The following IRAK3 variants were observed in gnomAD, a reference collection of about 807,000 sequenced individuals.
IRAK3 encodes the protein interleukin-1 receptor-associated kinase 3.
A neutral mutation model predicts 56.6 loss-of-function variants in IRAK3; 57 were observed. The ratio of observed to expected loss-of-function variants is 1.01; its 90% CI spans 0.81 to 1.26. IRAK3 has a LOEUF of 1.26. IRAK3 is among the 50% of genes most tolerant of loss of function. The probability of loss-of-function intolerance (pLI) is 0.00; values close to 1 mark genes in which losing one functional copy is unlikely to be tolerated. For missense variants in IRAK3, 703 were observed against 719.0 expected (o/e 0.98, Z 0.25); for synonymous variants, 258 against 255.7 (o/e 1.01, Z -0.09).
Position 66,247,996 on chromosome 12 carries a change from G to T in IRAK3, c.1616G>T (p.Cys539Phe). Reference protein sequence around the residue: ...EEACNMPSSSCEESWFPKYIV... With the variant: ...EEACNMPSSSFEESWFPKYIV... ...GCTTGCAACATGCCCAGTTCTTCTT[G>T]TGAAGAAAGTTGGTTCCCAAAGTAT... Residue 539 changes from cysteine to phenylalanine, a missense_variant, in exon 12 of 12, where the codon TGT (cysteine) becomes TTT (phenylalanine). Transcript: ENST00000261233. 1 of 1,603,114 alleles carries T rather than the reference G, an allele frequency of 6.2e-7. No homozygotes were observed. The highest frequency in any genetic ancestry group is 8.5e-7 in the Non-Finnish European group (1 of 1,175,564).
chr12:66,202,566 C>G (rs2052518738), intron 1 of IRAK3, among the ~76,000 whole-genome samples: 1 of 151,816 alleles, frequency 6.6e-6, no homozygotes, highest in South Asian at 2.1e-4. Flanking sequence ...GAGCTTGATC[C>G]TAGGAGTTTG....
rs1234675023 is a variant in IRAK3 at position 66,250,994 on chromosome 12, C to G, written c.*2823C>G. On this transcript the variant is annotated 3_prime_UTR_variant, in exon 12 of 12. Transcript: ENST00000261233. ...ATTGTTATAGATTGGTAGATCCTAC[C>G]TTTCCATCACTGGTATGTTTTTTGA... 1 of 152,182 alleles carries G rather than the reference C, an allele frequency of 6.6e-6. No homozygotes were observed. Among genetic ancestry groups the G allele is most frequent in the Admixed American group, 6.5e-5 (1 of 15,284 alleles). The allele number at this position is 152,182 out of a possible 1,614,324, so 9.4% of individuals were successfully genotyped here. A position where few individuals can be genotyped will look rare whatever the true frequency, so the allele number is the denominator to read the frequency against.
chr12:66,234,019 G>A (rs2052875116), intron 8 of IRAK3: 1 of 1,573,206 alleles, frequency 6.4e-7, no homozygotes, highest in Admixed American at 1.7e-5. Flanking sequence ...ATCCATGATT[G>A]TTCAGCCTTC....
At position 66,203,804 on chromosome 12, in the gene IRAK3, G is replaced by A. The variant is rs121912630; in HGVS notation, c.227G>A (p.Trp76Ter). 7 of 1,613,742 alleles carry A rather than the reference G, an allele frequency of 4.3e-6. No individual in the cohort carries two copies. The highest frequency in any genetic ancestry group is 5.1e-6 in the Non-Finnish European group (6 of 1,179,824). The change falls in exon 2 of 12, where the codon TGG becomes TAG. Residue 76 changes from tryptophan (W) to a stop codon, truncating the protein, a stop_gained. Transcript: ENST00000261233. LOFTEE classifies it high-confidence loss of function. ...KSGTRELLWS[W>*]AQKNKTIGDL... ...GGAACAAGAGAATTACTTTGGTCCT[G>A]GGCACAGAAAAACAAGACCATCGGT...
chr12:66,250,014 A>T lies in IRAK3; in HGVS notation c.*1843A>T, dbSNP rs955589993. 8 of 152,210 alleles carry T rather than the reference A, an allele frequency of 5.3e-5. No individual in the cohort carries two copies. Among genetic ancestry groups the T allele is most frequent in the Non-Finnish European group, 8.8e-5 (6 of 68,034 alleles). The allele number at this position is 152,210 out of a possible 1,614,324, so 9.4% of individuals were successfully genotyped here. A position where few individuals can be genotyped will look rare whatever the true frequency, so the allele number is the denominator to read the frequency against. On this transcript the variant is annotated 3_prime_UTR_variant, in exon 12 of 12. Coordinates refer to ENST00000261233, the MANE Select transcript of IRAK3 (RefSeq NM_007199.3). ...TGTAAGGGCCATCTCTTCAGAGCCT[A>T]ATGTGTCATCCTACACAGAGCAGGT...
At chr12:66,237,670 A>G (rs1300806525) in intron 8 of IRAK3, among the ~76,000 whole-genome samples, 1 of 152,212 alleles carries the variant, frequency 6.6e-6, no homozygotes, top group Non-Finnish European at 1.5e-5. Flanking sequence ...GCAGGATTCT[A>G]TAGCAGTGAT....
chr12:66,233,348 C>T (rs1333689457), intron 8 of IRAK3, among the ~76,000 whole-genome samples: 2 of 152,158 alleles, frequency 1.3e-5, no homozygotes, highest in Non-Finnish European at 2.9e-5. Context: ...GAAACCCCGT[C>T]TCTACTAAAA....
chr12:66,211,052 T>C (rs1260105433), intron 4 of IRAK3, among the ~76,000 whole-genome samples: 3 of 152,272 alleles, frequency 2.0e-5, no homozygotes, highest in Non-Finnish European at 4.4e-5. Context: ...TCAGTCATGC[T>C]TGGAGAATAT....
intron 7 of IRAK3, among the ~76,000 whole-genome samples, chr12:66,227,081 T>C (rs2052794824): frequency 6.6e-6 from 1 of 152,240 alleles, no homozygotes; most frequent in Non-Finnish European, 1.5e-5. Context: ...ACTCATTATA[T>C]GGTAAGAACC....
At chr12:66,239,905 T>C (rs11176095) in intron 8 of IRAK3, among the ~76,000 whole-genome samples, 18,075 of 152,188 alleles carry the variant, frequency 0.12, 1,762 homozygotes, top group East Asian at 0.42. Context: ...TGTCTTAAAA[T>C]GTCTGGAAAA....
chr12:66,244,919 A>G, intron 9 of IRAK3, 29 bp from the exon 10 acceptor site: 2 of 1,521,828 alleles, frequency 1.3e-6, no homozygotes, highest in Non-Finnish European at 1.8e-6. Flanking sequence ...TTTAAGATAT[A>G]TAGCTGACTT....
chr12:66,242,983 T>C (rs969838038), intron 8 of IRAK3, among the ~76,000 whole-genome samples: 2 of 152,058 alleles, frequency 1.3e-5, no homozygotes, highest in Admixed American at 6.5e-5. Context: ...GGAGACTCAC[T>C]TGAACCCGGG....
chr12:66,220,224 A>G (rs2052716715), intron 6 of IRAK3, among the ~76,000 whole-genome samples: 2 of 152,104 alleles, frequency 1.3e-5, no homozygotes, highest in South Asian at 2.1e-4. Context: ...TAATTTTTGT[A>G]TATGGTGTAA....
chr12:66,195,367 T>C (rs2052441000), intron 1 of IRAK3, among the ~76,000 whole-genome samples: 1 of 152,144 alleles, frequency 6.6e-6, no homozygotes, highest in Admixed American at 6.5e-5. Flanking sequence ...TTGACCTCCT[T>C]GAGTGTCTTT....
chr12:66,247,998 GA>G lies in IRAK3; in HGVS notation c.1620del (p.Glu541LysfsTer8). The part of the protein sequence containing the change: ...EACNMPSSSC[E>X]ESWFPKYIVP... ...TTGCAACATGCCCAGTTCTTCTTGT[GA>G]AGAAAGTTGGTTCCCAAAGTATATA... On this transcript the variant is annotated frameshift_variant, in exon 12 of 12. Transcript: ENST00000261233. LOFTEE classifies it low-confidence loss of function (END_TRUNC). 1.9e-6 allele frequency: 3 copies of G among 1,602,232 alleles called. No individual in the cohort carries two copies. In the South Asian group the frequency reaches 3.4e-5, roughly 18 times the overall value.
chr12:66,209,603 A>G, intron 3 of IRAK3, 83 bp downstream of exon 3: 1 of 898,426 alleles, frequency 1.1e-6, no homozygotes, highest in South Asian at 1.3e-5. Flanking sequence ...AGCAGGCAGA[A>G]AAATGCTGGA....
chr12:66,218,791 T>G (rs1336667498), intron 6 of IRAK3, among the ~76,000 whole-genome samples: 1 of 152,226 alleles, frequency 6.6e-6, no homozygotes, highest in East Asian at 1.9e-4. Flanking sequence ...CATTGTACAA[T>G]GGAAAGGTTG....
chr12:66,234,196 G>GT lies in IRAK3; in HGVS notation c.887+5827dup. The GT allele has an allele frequency of 6.8e-6, 11 of 1,614,142 alleles. No individual in the cohort carries two copies. In the South Asian group the frequency reaches 1.1e-4, roughly 16 times the overall value. On this transcript the variant is annotated intron_variant, in intron 8 of 11. Transcript: ENST00000261233. ...TCTGCATATGTTCATACTGTGGCAA[G>GT]TAGGCTCCTTGCATAGCTGACGTTG... is the stretch of plus-strand genomic sequence containing the variant.
rs2053129267 is a variant in IRAK3, at chr12:66,254,072, T to TCC, written c.*5901_*5902insCC. ...AAAGCAATTGACAAAAATGGAATTCTTGTTCAATACTGGCAGGAGTGAAAA... is the reference window on the plus strand; with the variant it reads ...AAAGCAATTGACAAAAATGGAATTCTCCTGTTCAATACTGGCAGGAGTGAAAA... On this transcript the variant is annotated 3_prime_UTR_variant, in exon 12 of 12. Transcript: ENST00000261233. 6.6e-6 allele frequency: 1 copy of TCC among 152,216 alleles called. No individual in the cohort carries two copies. The highest frequency in any genetic ancestry group is 2.4e-5 in the African/African-American group (1 of 41,468). 9.4% of individuals were successfully genotyped at this position (152,216 alleles called of 1,614,324 possible). A position where few individuals can be genotyped will look rare whatever the true frequency, so the allele number is the denominator to read the frequency against.
Sources: gnomAD v4.1 joint callset for allele counts (sites outside exome capture counted in the v4.1 genomes callset) on GRCh38, gnomAD v4.1.1 for gene constraint, MANE v1.5 for transcripts, NCBI Gene and HGNC (gene_info 2026-07-23, HGNC 2026-07-21) for gene names.